Variants in CCDC7 observed in about 807,000 individuals in gnomAD.
The protein encoded by CCDC7 is coiled-coil domain containing 7.
In CCDC7, 183 loss-of-function variants were observed where a neutral mutation model predicts 196.9. That is an observed-to-expected ratio of 0.93 (90% CI 0.82 to 1.05). The LOEUF (loss-of-function observed/expected upper bound fraction) is 1.05, where lower values mean the gene tolerates loss of function less well. Ranked by LOEUF, CCDC7 falls within the 50% of genes least tolerant of loss-of-function variation. The probability of loss-of-function intolerance (pLI) is 0.00; values close to 1 mark genes in which losing one functional copy is unlikely to be tolerated. For synonymous variants in CCDC7, 525 were observed against 484.6 expected, an observed-to-expected ratio of 1.08 and a Z score of -1.10; for missense variants, 1,540 against 1,482.2, an observed-to-expected ratio of 1.04 and a Z score of -0.64.
chr10:32,509,231 T>C (rs550686416), intron 9 of CCDC7, among the ~76,000 whole-genome samples: 126 of 152,204 alleles, frequency 8.3e-4, no homozygotes, highest in Middle Eastern at 3.4e-3. Context: ...TGAAACAGAT[T>C]AGCAAGCGCA....
intron 21 of CCDC7, among the ~76,000 whole-genome samples, chr10:32,665,262 T>G (rs2072406976): frequency 6.6e-6 from 1 of 152,082 alleles, no homozygotes; most frequent in African/African-American, 2.4e-5. Flanking sequence ...TGCAATAGGC[T>G]ATTTATTCCT....
intron 11 of CCDC7, among the ~76,000 whole-genome samples, chr10:32,528,919 A>G (rs538222643): frequency 7.9e-5 from 12 of 152,012 alleles, no homozygotes; most frequent in Non-Finnish European, 1.3e-4. Context: ...TCTTTTTTGT[A>G]TAATGACTTC....
At chr10:32,734,386 A>C (rs1400541387) in intron 28 of CCDC7, among the ~76,000 whole-genome samples, 1 of 152,176 alleles carries the variant, frequency 6.6e-6, no homozygotes, top group Non-Finnish European at 1.5e-5. Flanking sequence ...GTAGGAGTTA[A>C]ATGATGAGAA....
intron 10 of CCDC7, 109 bp from the exon 12 acceptor site, chr10:32,518,307 C>T (rs2047367214): frequency 8.4e-7 from 1 of 1,193,152 alleles, no homozygotes; most frequent in Non-Finnish European, 1.1e-6. Context: ...ATGTTTCATT[C>T]TTTTCATGAG....
chr10:32,696,163 G>A (rs750449740), intron 24 of CCDC7, among the ~76,000 whole-genome samples: 26 of 152,196 alleles, frequency 1.7e-4, no homozygotes, highest in Non-Finnish European at 3.2e-4. Flanking sequence ...GGTAGACATA[G>A]ACAATATGTC....
chr10:32,597,029 C>G (rs1179756722), intron 18 of CCDC7, among the ~76,000 whole-genome samples: 1 of 152,118 alleles, frequency 6.6e-6, no homozygotes, highest in East Asian at 1.9e-4. Flanking sequence ...CAAGGAATAT[C>G]TTTGTGGCGT....
intron 32 of CCDC7, among the ~76,000 whole-genome samples, chr10:32,826,487 T>C (rs1365265370): frequency 1.3e-5 from 2 of 152,190 alleles, no homozygotes; most frequent in African/African-American, 4.8e-5. Context: ...GAGTGGGGCA[T>C]GCACAGCAGT....
At chr10:32,546,738 C>T (rs533938181) in intron 13 of CCDC7, among the ~76,000 whole-genome samples, 3 of 152,286 alleles carry the variant, frequency 2.0e-5, no homozygotes, top group East Asian at 1.9e-4. Context: ...TCAGTGGGTT[C>T]GGCATCTGAG....
At chr10:32,701,890 A>C (rs7893955) in intron 24 of CCDC7, among the ~76,000 whole-genome samples, 1 of 151,992 alleles carries the variant, frequency 6.6e-6, no homozygotes, top group Non-Finnish European at 1.5e-5. Flanking sequence ...TTATTGCGTC[A>C]ATTTGATTCT....
chr10:32,785,259 G>T (rs2081659116), intron 29 of CCDC7, among the ~76,000 whole-genome samples: 1 of 152,072 alleles, frequency 6.6e-6, no homozygotes, highest in Admixed American at 6.5e-5. Flanking sequence ...AAGTTTCAAT[G>T]AATACCAAAA....
chr10:32,692,966 A>G (rs2077261014), intron 23 of CCDC7, among the ~76,000 whole-genome samples: 1 of 152,090 alleles, frequency 6.6e-6, no homozygotes, highest in Non-Finnish European at 1.5e-5. Flanking sequence ...ACCTTTAGCT[A>G]TTTGCTCCCT....
At chr10:32,724,373 A>G (rs1169292384) in intron 25 of CCDC7, among the ~76,000 whole-genome samples, 1 of 152,082 alleles carries the variant, frequency 6.6e-6, no homozygotes, top group Non-Finnish European at 1.5e-5. Context: ...TTTGTCAGAG[A>G]GAGAGCTGCC....
At chr10:32,846,510 T>A in intron 37 of CCDC7, 51 bp downstream of exon 38, 1 of 1,150,428 alleles carries the variant, frequency 8.7e-7, no homozygotes, top group South Asian at 1.4e-5. Context: ...TTATGTTCCC[T>A]GAGTTAAATT....
chr10:32,477,363 C>T lies in CCDC7; in HGVS notation c.796+3340C>T, dbSNP rs1021262467. On this transcript the variant is annotated intron_variant, in intron 8 of 41. Transcript: ENST00000639629. ...GACCACAGGCGTGCGCCACCACGCC[C>T]GGCTAATTTTTGCATTTTTAGTAGA... Among the ~76,000 whole-genome samples, 11 of 152,074 alleles carry T rather than the reference C, an allele frequency of 7.2e-5. 1 individual carries two copies. The highest frequency in any genetic ancestry group is 1.9e-4 in the African/African-American group (8 of 41,480).
chr10:32,717,804 A>G (rs931204451), intron 25 of CCDC7, among the ~76,000 whole-genome samples: 1 of 151,974 alleles, frequency 6.6e-6, no homozygotes. Flanking sequence ...CTGGACACAT[A>G]CAGCTTTCCC....
At position 32,594,643 on chromosome 10, in the gene CCDC7, C is replaced by T. The variant is rs189358027; in HGVS notation, c.1801+10339C>T. Among the ~76,000 whole-genome samples the T allele has an allele frequency of 5.3e-5, 8 of 152,208 alleles. No homozygotes were observed. The East Asian group carries it at 1.4e-3, about 26-fold the overall frequency. ...GTTTTTTGCCAGTTTTCAAAGGGAACACTTCCAGTTTTTGCCCATTCAGTA... is the reference window on the plus strand; with the variant it reads ...GTTTTTTGCCAGTTTTCAAAGGGAATACTTCCAGTTTTTGCCCATTCAGTA... On this transcript the variant is annotated intron_variant, in intron 18 of 41. Transcript: ENST00000639629.
At chr10:32,450,773 A>G (rs967201695), upstream of CCDC7, among the ~76,000 whole-genome samples, 5 of 152,178 alleles carry the variant, frequency 3.3e-5, no homozygotes, top group African/African-American at 7.2e-5. Context: ...TATTAAGGAC[A>G]TATATTAGCT....
chr10:32,650,913 G>A (rs2068644208), intron 20 of CCDC7, among the ~76,000 whole-genome samples: 1 of 152,208 alleles, frequency 6.6e-6, no homozygotes, highest in Non-Finnish European at 1.5e-5. Context: ...AGTTAGGGAA[G>A]GTTCCTGGGA....
At chr10:32,708,126 A>C (rs2080124486) in intron 24 of CCDC7, among the ~76,000 whole-genome samples, 1 of 152,192 alleles carries the variant, frequency 6.6e-6, no homozygotes, top group Non-Finnish European at 1.5e-5. Flanking sequence ...AAACAGAGAT[A>C]TAGACCAATG....
Sources: gnomAD v4.1 joint callset for allele counts (sites outside exome capture counted in the v4.1 genomes callset) on GRCh38, gnomAD v4.1.1 for gene constraint, MANE v1.5 for transcripts, NCBI Gene and HGNC (gene_info 2026-07-23, HGNC 2026-07-21) for gene names.